GRID1: variants seen among roughly 807,000 people sequenced by gnomAD.
GRID1 encodes glutamate receptor ionotropic, delta-1.
In GRID1, 28 loss-of-function variants were observed where a neutral mutation model predicts 98.0. The observed-to-expected ratio is 0.29, with a 90% confidence interval of 0.21 to 0.39. The LOEUF is 0.39. Among genes scored for constraint, GRID1 ranks in the 10% least tolerant of loss-of-function variants. GRID1 has a pLI of 1.00. For missense variants in GRID1, 1,111 were observed against 1,340.5 expected (o/e 0.83, Z 2.67); for synonymous variants, 553 against 538.5 (o/e 1.03, Z -0.37).
intron 2 of GRID1, among the ~76,000 whole-genome samples, chr10:86,322,918 C>T (rs1175550359): frequency 1.3e-5 from 2 of 149,690 alleles, no homozygotes; most frequent in Non-Finnish European, 3.0e-5. Flanking sequence ...ATGGTGAAAC[C>T]CCGTCTCTAC....
chr10:85,754,375 G>A (rs138167334), intron 8 of GRID1, among the ~76,000 whole-genome samples: 218 of 152,248 alleles, frequency 1.4e-3, no homozygotes, highest in African/African-American at 5.0e-3. Flanking sequence ...GAAATGTCTG[G>A]TCTAGAAGGG....
At chr10:86,347,670 A>T (rs1589457485) in intron 2 of GRID1, among the ~76,000 whole-genome samples, 1 of 152,202 alleles carries the variant, frequency 6.6e-6, no homozygotes, top group Admixed American at 6.5e-5. Context: ...TCCTGTGGAT[A>T]CCATTTGGGC....
rs949790100 is a variant in GRID1 at position 85,718,998 on chromosome 10, C to T, written c.1997+4005G>A. 3.3e-5 allele frequency among the ~76,000 whole-genome samples: 5 copies of T among 152,304 alleles called. No individual in the cohort carries two copies. In the South Asian group the frequency reaches 6.2e-4, roughly 19 times the overall value. On this transcript the variant is annotated intron_variant, in intron 12 of 15. Transcript: ENST00000327946. ...CCCAAGTCACCTCTTGAATGCTTTGCTGCTTAGAAATTTCCTCCACCAGAT... is the reference window on the plus strand; with the variant it reads ...CCCAAGTCACCTCTTGAATGCTTTGTTGCTTAGAAATTTCCTCCACCAGAT...
intron 8 of GRID1, among the ~76,000 whole-genome samples, chr10:85,823,798 G>C (rs1333600125): frequency 1.3e-5 from 2 of 152,052 alleles, no homozygotes; most frequent in Admixed American, 6.6e-5. Context: ...GAATCAAGAA[G>C]AAAGTAGAAT....
rs73332687 is a variant in GRID1, at chr10:85,837,329, T to C, written c.1233+17167A>G. 5.7e-3 allele frequency among the ~76,000 whole-genome samples: 865 copies of C among 152,286 alleles called. 8 individuals are homozygous for C. The highest frequency in any genetic ancestry group is 0.02 in the African/African-American group (815 of 41,570). On this transcript the variant is annotated intron_variant, in intron 8 of 15. Transcript: ENST00000327946. ...CAGTGCACATAGTCTCCATCAGGGT[T>C]CCTCCTACTACCAGCTGCCTTGCCT...
At chr10:85,963,012 T>C (rs1416039834) in intron 4 of GRID1, among the ~76,000 whole-genome samples, 1 of 152,154 alleles carries the variant, frequency 6.6e-6, no homozygotes, top group Non-Finnish European at 1.5e-5. Flanking sequence ...TGTGTGAGCC[T>C]AAGAGGAGCT....
intron 8 of GRID1, among the ~76,000 whole-genome samples, chr10:85,777,169 G>A (rs1007456080): frequency 3.9e-5 from 6 of 152,224 alleles, no homozygotes; most frequent in Non-Finnish European, 7.4e-5. Flanking sequence ...CATGCCCTCT[G>A]CCCTAATAAG....
intron 2 of GRID1, among the ~76,000 whole-genome samples, chr10:86,337,315 C>T (rs1349847079): frequency 6.6e-6 from 1 of 152,220 alleles, no homozygotes; most frequent in African/African-American, 2.4e-5. Context: ...GGGAGAGTGG[C>T]TGTGCCGCCC....
At chr10:85,995,519 G>A (rs905203399) in intron 4 of GRID1, among the ~76,000 whole-genome samples, 8 of 152,360 alleles carry the variant, frequency 5.3e-5, no homozygotes, top group African/African-American at 1.4e-4. Context: ...GTGTAATGGA[G>A]TAAGAGCACC....
At chr10:86,304,060 C>T (rs549327502) in intron 2 of GRID1, among the ~76,000 whole-genome samples, 1 of 152,322 alleles carries the variant, frequency 6.6e-6, no homozygotes, top group East Asian at 1.9e-4. Flanking sequence ...GCCCCCAACC[C>T]TGGTAGTGAC....
At chr10:86,165,275 A>G (rs1845382576) in intron 3 of GRID1, among the ~76,000 whole-genome samples, 1 of 152,248 alleles carries the variant, frequency 6.6e-6, no homozygotes, top group Non-Finnish European at 1.5e-5. Context: ...TAGATCTGAG[A>G]TGAGGCCAAG....
At chr10:85,981,731 C>A (rs577657995) in intron 4 of GRID1, among the ~76,000 whole-genome samples, 1 of 152,346 alleles carries the variant, frequency 6.6e-6, no homozygotes, top group East Asian at 1.9e-4. Flanking sequence ...ATGCTCCAGG[C>A]ACCTACTATG....
rs116198921 is a variant in GRID1 at position 85,681,577 on chromosome 10, A to G, written c.1998-34180T>C. Among the ~76,000 whole-genome samples, 652 of 152,152 alleles carry G rather than the reference A, an allele frequency of 4.3e-3. 8 individuals are homozygous for G. Among genetic ancestry groups the G allele is most frequent in the African/African-American group, 0.015 (624 of 41,502 alleles). On this transcript the variant is annotated intron_variant, in intron 12 of 15. Coordinates refer to ENST00000327946, the MANE Select transcript of GRID1 (RefSeq NM_017551.3). The stretch of plus-strand genomic sequence containing the variant: ...CCCCACCCAGGTTTACCCCACATGC[A>G]CTGCCTCTTAACCTGGAATGCTCCA...
intron 4 of GRID1, among the ~76,000 whole-genome samples, chr10:85,936,604 G>A (rs1370677103): frequency 6.6e-6 from 1 of 152,140 alleles, no homozygotes; most frequent in Non-Finnish European, 1.5e-5. Flanking sequence ...TGAGGGTCAT[G>A]CATTCTATCC....
intron 3 of GRID1, among the ~76,000 whole-genome samples, chr10:86,196,866 A>G (rs772590988): frequency 9.9e-5 from 15 of 151,682 alleles, no homozygotes; most frequent in Non-Finnish European, 2.1e-4. Context: ...TAGGAAGCAT[A>G]TATTACTGCT....
intron 4 of GRID1, among the ~76,000 whole-genome samples, chr10:86,050,018 G>T (rs1843479433): frequency 1.3e-5 from 2 of 152,160 alleles, no homozygotes; most frequent in Admixed American, 6.5e-5. Context: ...AAAATGTGTG[G>T]CAGGCAAAGG....
At chr10:85,826,502 TC>T (rs1842821545) in intron 8 of GRID1, among the ~76,000 whole-genome samples, 1 of 151,736 alleles carries the variant, frequency 6.6e-6, no homozygotes, top group African/African-American at 2.4e-5. Flanking sequence ...ACTGTGACCC[TC>T]CCCCGTCCCC....
At chr10:85,870,710 T>C (rs540637692) in intron 5 of GRID1, among the ~76,000 whole-genome samples, 1 of 152,112 alleles carries the variant, frequency 6.6e-6, no homozygotes, top group South Asian at 2.1e-4. Context: ...GCAGGGAGTG[T>C]GAAATGCTAA....
chr10:85,732,268 G>A (rs1476973024), intron 8 of GRID1, among the ~76,000 whole-genome samples: 2 of 152,166 alleles, frequency 1.3e-5, no homozygotes, highest in African/African-American at 4.8e-5. Context: ...CCATCCCAAT[G>A]GCTCACAGAG....
Sources: allele counts gnomAD v4.1 joint callset (sites outside exome capture counted in the v4.1 genomes callset), GRCh38; gene constraint gnomAD v4.1.1; transcripts MANE v1.5; gene names NCBI Gene and HGNC (gene_info 2026-07-23, HGNC 2026-07-21).